The following TENM2 variants were observed in gnomAD, a reference collection of about 807,000 sequenced individuals.
TENM2 encodes the protein teneurin-2.
Under a neutral mutation model 245.2 loss-of-function variants are expected in TENM2, and 52 were observed. The observed-to-expected ratio is 0.21, with a 90% CI of 0.17 to 0.27. The LOEUF (loss-of-function observed/expected upper bound fraction) is 0.27, where lower values mean the gene tolerates loss of function less well. TENM2 is among the 10% of genes least tolerant of loss of function. The pLI, the probability that TENM2 is intolerant of heterozygous loss-of-function variation, is 1.00. For synonymous variants in TENM2, 1,363 were observed against 1,438.9 expected (o/e 0.95, Z 1.19); for missense variants, 3,046 against 3,666.8 (o/e 0.83, Z 4.37).
At position 168,259,336 on chromosome 5, in the gene TENM2, C is replaced by T. The variant is rs576949462; in HGVS notation, c.7433-947C>T. ...GGCACGGTGGCTCATGCCTGTAATC[C>T]CAGCACTTTGGGAGGCTGAGGAGGG... On this transcript the variant is annotated intron_variant, in intron 27 of 28. Transcript: ENST00000518659. Among the ~76,000 whole-genome samples, 8 of 152,086 alleles carry T rather than the reference C, an allele frequency of 5.3e-5. No individual in the cohort carries two copies. The South Asian group carries it at 1.7e-3, about 32-fold the overall frequency.
At chr5:167,197,431 G>A in the TENM2 span, among the ~76,000 whole-genome samples, 2 of 152,118 alleles carry the variant, frequency 1.3e-5, no homozygotes, top group African/African-American at 4.8e-5. Context: ...AAGGAATGGA[G>A]GAGGGGGTCA....
At chr5:167,564,019 C>T (rs1227566378) in intron 2 of TENM2, among the ~76,000 whole-genome samples, 2 of 152,192 alleles carry the variant, frequency 1.3e-5, no homozygotes, top group African/African-American at 4.8e-5. Context: ...TAAGTCTATC[C>T]TATGTACCAG....
At chr5:166,987,952 G>A in the TENM2 span, among the ~76,000 whole-genome samples, 4 of 152,244 alleles carry the variant, frequency 2.6e-5, no homozygotes, top group South Asian at 6.2e-4. Flanking sequence ...GAATATGTAG[G>A]TTCTGGGATT....
At chr5:167,114,701 C>A in the TENM2 span, among the ~76,000 whole-genome samples, 29 of 152,164 alleles carry the variant, frequency 1.9e-4, no homozygotes, top group Admixed American at 1.9e-3. Flanking sequence ...GAGCCCTCAA[C>A]AGCATGTGTA....
intron 2 of TENM2, among the ~76,000 whole-genome samples, chr5:167,527,328 T>C (rs1771189986): frequency 1.3e-5 from 2 of 152,004 alleles, no homozygotes; most frequent in Admixed American, 1.3e-4. Context: ...AAGAAAAAAA[T>C]TCAGCAGATA....
chr5:168,263,124 C>A, downstream of TENM2: 1 of 273,100 alleles, frequency 3.7e-6, no homozygotes. Flanking sequence ...AGAAAAGAGA[C>A]GCAAAGTGTC....
intron 5 of TENM2, among the ~76,000 whole-genome samples, chr5:168,014,718 A>T (rs1309404261): frequency 6.6e-6 from 1 of 152,206 alleles, no homozygotes; most frequent in Non-Finnish European, 1.5e-5. Context: ...CCTTAATGGA[A>T]CAATGAAATG....
chr5:167,814,504 CA>C (rs1766889215), intron 2 of TENM2, among the ~76,000 whole-genome samples: 3 of 147,570 alleles, frequency 2.0e-5, no homozygotes, highest in South Asian at 2.2e-4. Context: ...AAGCAATAAG[CA>C]AAAAAGGATA....
chr5:168,217,510 A>C (rs1763307338), intron 22 of TENM2, among the ~76,000 whole-genome samples: 3 of 152,222 alleles, frequency 2.0e-5, no homozygotes, highest in Non-Finnish European at 2.9e-5. Context: ...GGCGAGCCTC[A>C]TAAATTTCAG....
At chr5:167,464,399 C>T (rs1376616836) in intron 2 of TENM2, among the ~76,000 whole-genome samples, 3 of 152,116 alleles carry the variant, frequency 2.0e-5, no homozygotes, top group Admixed American at 6.6e-5. Context: ...TAGATAGCCT[C>T]TTTGTACAGA....
At chr5:167,129,077 C>T in the TENM2 span, among the ~76,000 whole-genome samples, 1 of 152,164 alleles carries the variant, frequency 6.6e-6, no homozygotes, top group African/African-American at 2.4e-5. Context: ...GCAGTTCTTT[C>T]CCTAGGCACT....
At chr5:167,742,766 C>T (rs1270437121) in intron 2 of TENM2, among the ~76,000 whole-genome samples, 1 of 151,126 alleles carries the variant, frequency 6.6e-6, no homozygotes, top group African/African-American at 2.4e-5. Context: ...GCCTGGGCAA[C>T]CTACCTACCA....
chr5:167,606,952 C>T (rs1777097869), intron 2 of TENM2, among the ~76,000 whole-genome samples: 1 of 152,082 alleles, frequency 6.6e-6, no homozygotes, highest in East Asian at 1.9e-4. Context: ...TATATATCAG[C>T]GCTTTAAAGA....
chr5:167,571,523 G>A (rs1474375844), intron 2 of TENM2, among the ~76,000 whole-genome samples: 2 of 151,926 alleles, frequency 1.3e-5, no homozygotes, highest in Non-Finnish European at 2.9e-5. Context: ...CCTACTCAAG[G>A]TATCTTAAAT....
At chr5:167,888,795 T>G (rs1330290741) in intron 3 of TENM2, among the ~76,000 whole-genome samples, 1 of 152,238 alleles carries the variant, frequency 6.6e-6, no homozygotes, top group African/African-American at 2.4e-5. Flanking sequence ...CGATTTCTGT[T>G]GCTTATTATC....
intron 1 of TENM2, among the ~76,000 whole-genome samples, chr5:167,347,997 A>G (rs1016641461): frequency 2.0e-5 from 3 of 149,838 alleles, no homozygotes; most frequent in African/African-American, 7.6e-5. Context: ...TTGAGAAGAG[A>G]GAAGAGAAGT....
At chr5:168,161,940 C>A (rs753871967) in intron 12 of TENM2, among the ~76,000 whole-genome samples, 10 of 152,102 alleles carry the variant, frequency 6.6e-5, no homozygotes, top group Admixed American at 3.9e-4. Context: ...TTCCCCAATT[C>A]GTGGCACCCA....
intron 2 of TENM2, among the ~76,000 whole-genome samples, chr5:167,523,966 C>A (rs1770937620): frequency 6.6e-6 from 1 of 152,102 alleles, no homozygotes; most frequent in Admixed American, 6.5e-5. Context: ...GTGGTCTGAT[C>A]CTTGAGTATC....
Position 167,410,921 on chromosome 5 carries a change from CACCTATTA to C in TENM2, c.502+35453_502+35460del, listed in dbSNP as rs1203261443. ...CCTGCATGTAGTTTAGTGGCAAACC[CACCTATTA>C]ACCTCTAGCCACAACCAAATAACCC... On this transcript the variant is annotated intron_variant, in intron 2 of 28. Coordinates refer to ENST00000518659, the Ensembl canonical transcript of TENM2. Among the ~76,000 whole-genome samples, 6 of 152,052 alleles carry C rather than the reference CACCTATTA, an allele frequency of 3.9e-5. No homozygotes were observed. The East Asian group carries it at 1.2e-3, about 29-fold the overall frequency.
Sources: gnomAD v4.1 joint callset for allele counts (sites outside exome capture counted in the v4.1 genomes callset) on GRCh38, gnomAD v4.1.1 for gene constraint, MANE v1.5 for transcripts, NCBI Gene and HGNC (gene_info 2026-07-23, HGNC 2026-07-21) for gene names.